The following ASTN2 variants were observed in gnomAD, a reference collection of about 807,000 sequenced individuals.
The protein encoded by ASTN2 is astrotactin 2.
ASTN2 carries 54 observed loss-of-function variants against 139.8 expected under a neutral mutation model. The ratio of observed to expected loss-of-function variants is 0.39; its 90% CI spans 0.31 to 0.48. ASTN2 has a LOEUF of 0.48. ASTN2 is among the 20% of genes least tolerant of loss of function. The probability of loss-of-function intolerance (pLI) is 0.95; values close to 1 mark genes in which losing one functional copy is unlikely to be tolerated. For synonymous variants in ASTN2, 756 were observed against 719.5 expected (o/e 1.05, Z -0.81); for missense variants, 1,565 against 1,725.1 (o/e 0.91, Z 1.64).
intron 11 of ASTN2, among the ~76,000 whole-genome samples, chr9:116,834,212 T>TATA (rs1446259358): frequency 6.6e-6 from 1 of 152,246 alleles, no homozygotes; most frequent in Admixed American, 6.5e-5. Flanking sequence ...TGGTCCAGGA[T>TATA]ATAGTCTTGT....
chr9:117,165,360 T>C (rs1272832869), intron 3 of ASTN2, among the ~76,000 whole-genome samples: 1 of 152,090 alleles, frequency 6.6e-6, no homozygotes, highest in Non-Finnish European at 1.5e-5. Flanking sequence ...AGGTGAAATA[T>C]CTTCCTGAAG....
rs150919232 is a variant in ASTN2 at position 116,620,770 on chromosome 9, C to T, written c.3073-327G>A. Among the ~76,000 whole-genome samples, 9 of 152,230 alleles carry T rather than the reference C, an allele frequency of 5.9e-5. 1 individual carries two copies. In the East Asian group the frequency reaches 1.7e-3, roughly 29 times the overall value. On this transcript the variant is annotated intron_variant, in intron 17 of 22. Transcript: ENST00000313400. ...CAATAGATATTATTATTATAATTTC[C>T]CATTTTACAAGTTGGAAAACTGAAG...
intron 1 of ASTN2, among the ~76,000 whole-genome samples, chr9:117,343,323 G>T (rs1829116769): frequency 6.6e-6 from 1 of 152,078 alleles, no homozygotes; most frequent in Admixed American, 6.5e-5. Context: ...ACTACATTCT[G>T]CTCTAAATTC....
intron 4 of ASTN2, among the ~76,000 whole-genome samples, chr9:117,137,109 T>G (rs1829970011): frequency 6.6e-6 from 1 of 152,176 alleles, no homozygotes; most frequent in Admixed American, 6.5e-5. Context: ...GAGTGGCTCC[T>G]TAATAGCAGC....
chr9:117,383,045 TA>T (rs1352895880), intron 1 of ASTN2, among the ~76,000 whole-genome samples: 1 of 152,122 alleles, frequency 6.6e-6, no homozygotes, highest in Non-Finnish European at 1.5e-5. Flanking sequence ...CAATATAGAG[TA>T]AAAGCAACCG....
At chr9:116,432,590 A>G (rs1313134180) in intron 22 of ASTN2, among the ~76,000 whole-genome samples, 1 of 152,208 alleles carries the variant, frequency 6.6e-6, no homozygotes, top group Non-Finnish European at 1.5e-5. Flanking sequence ...CTTCTTGGAC[A>G]GTGTAGGTTT....
At chr9:117,061,148 T>TTTATTTAC (rs1266711006) in intron 5 of ASTN2, among the ~76,000 whole-genome samples, 1 of 123,284 alleles carries the variant, frequency 8.1e-6, no homozygotes, top group Non-Finnish European at 1.6e-5. Flanking sequence ...CTTTTATTTA[T>TTTATTTAC]TTATTTATTT....
At chr9:117,257,392 A>G (rs181947428) in intron 2 of ASTN2, among the ~76,000 whole-genome samples, 51 of 152,312 alleles carry the variant, frequency 3.3e-4, no homozygotes, top group Admixed American at 3.3e-3. Context: ...AGAAACTGTG[A>G]ACACAGATTT....
chr9:117,383,412 TCA>T (rs1587999710), intron 1 of ASTN2, among the ~76,000 whole-genome samples: 2 of 152,188 alleles, frequency 1.3e-5, no homozygotes, highest in East Asian at 3.8e-4. Flanking sequence ...AGAAATGTTC[TCA>T]GTTACATGAA....
intron 7 of ASTN2, among the ~76,000 whole-genome samples, chr9:116,985,079 T>G (rs191547260): frequency 4.4e-4 from 67 of 152,340 alleles, no homozygotes; most frequent in African/African-American, 1.5e-3. Flanking sequence ...TTGTGTGACC[T>G]GAGGTAGTTC....
At position 117,291,515 on chromosome 9, in the gene ASTN2, T is replaced by C; in HGVS notation, c.443-2A>G. ...TGTCCGCTGCTGTGCCAGACATCTC[T>C]GCAAGACAAGACCCGAGGCACTGGG... is the stretch of plus-strand genomic sequence containing the variant. On this transcript the variant is annotated splice_acceptor_variant, in intron 1 of 22. Transcript: ENST00000313400. LOFTEE classifies it high-confidence loss of function. The C allele has an allele frequency of 6.3e-7, 1 of 1,594,932 alleles. No individual in the cohort carries two copies. Among genetic ancestry groups the C allele is most frequent in the Non-Finnish European group, 8.6e-7 (1 of 1,169,476 alleles).
At chr9:117,195,044 G>A (rs1588062829) in intron 3 of ASTN2, among the ~76,000 whole-genome samples, 1 of 152,138 alleles carries the variant, frequency 6.6e-6, no homozygotes, top group Non-Finnish European at 1.5e-5. Context: ...GCCAGGGATT[G>A]TTTTAAGCAC....
chr9:117,349,346 C>G (rs1829319975), intron 1 of ASTN2, among the ~76,000 whole-genome samples: 1 of 152,132 alleles, frequency 6.6e-6, no homozygotes, highest in South Asian at 2.1e-4. Context: ...GTGTGCATGG[C>G]TTGCCTCCCT....
rs568131796 is a variant in ASTN2 at position 117,369,459 on chromosome 9, A to G, written c.442+45038T>C. 2.6e-5 allele frequency among the ~76,000 whole-genome samples: 4 copies of G among 152,102 alleles called. No homozygotes were observed. The South Asian group carries it at 8.3e-4, about 32-fold the overall frequency. On this transcript the variant is annotated intron_variant, in intron 1 of 22. Coordinates refer to ENST00000313400, the MANE Select transcript of ASTN2 (RefSeq NM_001365068.1). Reference sequence around the variant, plus strand: ...GGTTGCAATACCCATTTCATATGGTAGAAAACTGAGGCTCCTACAGGTCAA... The same window carrying G: ...GGTTGCAATACCCATTTCATATGGTGGAAAACTGAGGCTCCTACAGGTCAA...
chr9:117,177,700 T>C (rs1830951533), intron 3 of ASTN2, among the ~76,000 whole-genome samples: 1 of 152,236 alleles, frequency 6.6e-6, no homozygotes, highest in Non-Finnish European at 1.5e-5. Flanking sequence ...TTTGGGAGGA[T>C]TGCTAATATA....
chr9:116,796,063 A>C (rs10983350), intron 13 of ASTN2, among the ~76,000 whole-genome samples: 40,051 of 152,082 alleles, frequency 0.26, 5,611 homozygotes, highest in African/African-American at 0.36. Context: ...CTCCTTAGTG[A>C]TGAACCTGGC....
At chr9:117,201,584 A>C (rs912873754) in intron 3 of ASTN2, among the ~76,000 whole-genome samples, 15 of 152,218 alleles carry the variant, frequency 9.9e-5, no homozygotes, top group East Asian at 9.7e-4. Context: ...TTCTGCCTTA[A>C]TTTCATTATT....
At position 117,141,410 on chromosome 9, in the gene ASTN2, TAGCG is replaced by T; in HGVS notation, c.1080_1083del (p.Ala361ThrfsTer50). 2.9e-6 allele frequency: 4 copies of T among 1,367,558 alleles called. No individual in the cohort carries two copies. The highest frequency in any genetic ancestry group is 3.9e-6 in the Non-Finnish European group (4 of 1,021,832). 84.7% of individuals were successfully genotyped at this position (1,367,558 alleles called of 1,614,324 possible). On this transcript the variant is annotated frameshift_variant, in exon 4 of 23. Coordinates refer to ENST00000313400, the MANE Select transcript of ASTN2 (RefSeq NM_001365068.1). LOFTEE classifies it high-confidence loss of function. ...AGCTGACCGATCTCGATGGGCGTGT[TAGCG>T]CGGAAACTCTCCTTGAACTTCTGCA...
intron 4 of ASTN2, among the ~76,000 whole-genome samples, chr9:117,114,178 T>TA (rs199889979): frequency 0.08 from 11,947 of 149,742 alleles, 591 homozygotes; most frequent in East Asian, 0.21. Context: ...TTTTTTTTTT[T>TA]AAAAAAAAAG....
Sources: allele counts gnomAD v4.1 joint callset (sites outside exome capture counted in the v4.1 genomes callset), GRCh38; gene constraint gnomAD v4.1.1; transcripts MANE v1.5; gene names NCBI Gene and HGNC (gene_info 2026-07-23, HGNC 2026-07-21).